The following MTRF1 variants were observed in gnomAD, a reference collection of about 807,000 sequenced individuals.
The protein encoded by MTRF1 is peptide chain release factor 1, mitochondrial.
A neutral mutation model predicts 62.9 loss-of-function variants in MTRF1; 51 were observed. The observed-to-expected ratio is 0.81, with a 90% CI of 0.65 to 1.02. The LOEUF is 1.02. Ranked by LOEUF, MTRF1 falls within the 50% of genes least tolerant of loss-of-function variation. MTRF1 has a pLI of 0.00. For synonymous variants in MTRF1, 158 were observed against 181.9 expected (o/e 0.87, Z 1.06); for missense variants, 446 against 530.0 (o/e 0.84, Z 1.56).
At chr13:41,265,190 A>C (rs2040805786), upstream of MTRF1, among the ~76,000 whole-genome samples, 1 of 152,168 alleles carries the variant, frequency 6.6e-6, no homozygotes, top group Non-Finnish European at 1.5e-5. Context: ...TGGGAGGCCG[A>C]GCCAGGTGGA....
upstream of MTRF1, among the ~76,000 whole-genome samples, chr13:41,264,214 T>G (rs1227107376): frequency 6.6e-6 from 1 of 152,164 alleles, no homozygotes; most frequent in Non-Finnish European, 1.5e-5. Context: ...ACAAATAAAT[T>G]TATATTTTAA....
At chr13:41,263,956 C>T (rs532808073), upstream of MTRF1, among the ~76,000 whole-genome samples, 9 of 152,304 alleles carry the variant, frequency 5.9e-5, no homozygotes, top group East Asian at 1.5e-3. Context: ...TTGGTTTTCA[C>T]CGTTAACTGC....
At chr13:41,242,129 T>G (rs2037588409) in intron 5 of MTRF1, among the ~76,000 whole-genome samples, 1 of 152,088 alleles carries the variant, frequency 6.6e-6, no homozygotes, top group Non-Finnish European at 1.5e-5. Flanking sequence ...ATACCAACGT[T>G]TTTTTTTTGT....
the MTRF1 span, among the ~76,000 whole-genome samples, chr13:41,290,990 G>A: frequency 6.6e-6 from 1 of 151,462 alleles, no homozygotes; most frequent in East Asian, 2.0e-4. Context: ...CAGCTACTCG[G>A]GAGGCTGAGG....
the MTRF1 span, among the ~76,000 whole-genome samples, chr13:41,272,790 C>A: frequency 1.3e-5 from 2 of 152,034 alleles, no homozygotes; most frequent in Non-Finnish European, 2.9e-5. Context: ...TACCTTCCAT[C>A]GTCATGGAAG....
upstream of MTRF1, among the ~76,000 whole-genome samples, chr13:41,264,675 A>G (rs1037071042): frequency 1.3e-5 from 2 of 152,244 alleles, no homozygotes; most frequent in African/African-American, 2.4e-5. Context: ...GTTTTACCCT[A>G]TTAATTCATT....
the MTRF1 span, among the ~76,000 whole-genome samples, chr13:41,281,006 ATAG>A: frequency 5.3e-5 from 8 of 152,208 alleles, no homozygotes; most frequent in African/African-American, 1.9e-4. Context: ...TACAATCATT[ATAG>A]CAGTATACAC....
the MTRF1 span, among the ~76,000 whole-genome samples, chr13:41,295,823 C>T: frequency 1.3e-5 from 2 of 152,092 alleles, no homozygotes; most frequent in South Asian, 2.1e-4. Flanking sequence ...GCTTTGCTGC[C>T]CAGGCTGGAG....
intron 8 of MTRF1, among the ~76,000 whole-genome samples, chr13:41,226,079 A>G (rs2034377460): frequency 6.6e-6 from 1 of 152,190 alleles, no homozygotes; most frequent in East Asian, 1.9e-4. Context: ...GAGTTATAGT[A>G]CAAGCATAGG....
the MTRF1 span, among the ~76,000 whole-genome samples, chr13:41,270,350 G>A: frequency 1.3e-5 from 2 of 151,910 alleles, no homozygotes; most frequent in South Asian, 2.1e-4. Context: ...TAAAATATTT[G>A]ATTCACATAT....
upstream of MTRF1, among the ~76,000 whole-genome samples, chr13:41,265,131 A>C (rs2040801867): frequency 6.6e-6 from 1 of 152,228 alleles, no homozygotes; most frequent in African/African-American, 2.4e-5. Context: ...CTCCTTAAAA[A>C]ATTAGTCTTA....
Position 41,240,289 on chromosome 13 carries a change from G to A in MTRF1, c.842C>T (p.Ser281Leu), listed in dbSNP as rs773512665. 4.3e-6 allele frequency: 7 copies of A among 1,610,444 alleles called. No homozygotes were observed. The African/African-American group carries it at 5.4e-5, about 12-fold the overall frequency. Residue 281 changes from serine (S) to leucine (L), a missense_variant, in exon 6 of 10, where the codon TCG (serine) becomes TTG (leucine). By Grantham distance (145) the Ser-to-Leu change is moderately radical. Coordinates refer to ENST00000379480, the MANE Select transcript of MTRF1 (RefSeq NM_004294.4). ...ATCTGGCTGAGGAAGGACAATAACCGACATCGTTCCTGTGTGAATGCGCTG... is the reference window on the plus strand; with the variant it reads ...ATCTGGCTGAGGAAGGACAATAACCAACATCGTTCCTGTGTGAATGCGCTG... ...RMQRIHTGTMSVIVLPQPDEV... is the reference protein window; with the variant it reads ...RMQRIHTGTMLVIVLPQPDEV...
chr13:41,260,577 C>T lies in MTRF1; in HGVS notation c.331G>A (p.Ala111Thr), dbSNP rs2040337601. 6.2e-7 allele frequency: 1 copy of T among 1,614,166 alleles called. No individual in the cohort carries two copies. Among genetic ancestry groups the T allele is most frequent in the Non-Finnish European group, 8.5e-7 (1 of 1,180,024 alleles). The stretch of plus-strand genomic sequence containing the variant: ...ATGGCTGCAAGAGGTGCCAACTCAG[C>T]ATGCCTTCTGTTCAAGGACCTTCGG... Reference protein sequence around the residue: ...ENRRSLNRRHAELAPLAAIYQ... With the variant: ...ENRRSLNRRHTELAPLAAIYQ... The change falls in exon 2 of 10, where the codon GCT becomes ACT. Residue 111 changes from alanine (A) to threonine (T), a missense_variant. Ala to Thr is a moderately conservative substitution (Grantham distance 58). Coordinates refer to ENST00000379480, the MANE Select transcript of MTRF1 (RefSeq NM_004294.4).
At chr13:41,290,309 C>T in the MTRF1 span, among the ~76,000 whole-genome samples, 14 of 151,642 alleles carry the variant, frequency 9.2e-5, no homozygotes, top group Non-Finnish European at 1.8e-4. Context: ...CCATGTTAGC[C>T]AGGATGGTCT....
chr13:41,267,675 C>A (rs1019518312), upstream of MTRF1, among the ~76,000 whole-genome samples: 1 of 152,060 alleles, frequency 6.6e-6, no homozygotes, highest in Non-Finnish European at 1.5e-5. Context: ...TTGAGACCAG[C>A]CTAGGCAACA....
At chr13:41,258,735 C>T (rs879471719) in intron 2 of MTRF1, among the ~76,000 whole-genome samples, 51 of 151,984 alleles carry the variant, frequency 3.4e-4, no homozygotes, top group African/African-American at 1.1e-3. Flanking sequence ...TTCTTAGATA[C>T]GACTCCCAAA....
chr13:41,237,036 T>C (rs2036715013), intron 6 of MTRF1, among the ~76,000 whole-genome samples: 1 of 151,914 alleles, frequency 6.6e-6, no homozygotes, highest in South Asian at 2.1e-4. Flanking sequence ...CTGAGCAACA[T>C]GGCGAAACCT....
chr13:41,284,671 GGCTGGAGTGCAGTGGCGTGATATCGAC>G, the MTRF1 span, among the ~76,000 whole-genome samples: 165 of 152,076 alleles, frequency 1.1e-3, 1 homozygote, highest in South Asian at 3.5e-3. Flanking sequence ...TCTATCACCA[GGCTGGAGTGCAGTGGCGTGATATCGAC>G]GCTGGAGTGC....
chr13:41,256,537 G>A (rs1008145154), intron 2 of MTRF1, among the ~76,000 whole-genome samples: 28 of 152,118 alleles, frequency 1.8e-4, no homozygotes, highest in African/African-American at 6.5e-4. Flanking sequence ...ATGTTGGCAG[G>A]CTGGTCTTCA....
Sources: allele counts gnomAD v4.1 joint callset (sites outside exome capture counted in the v4.1 genomes callset), GRCh38; gene constraint gnomAD v4.1.1; transcripts MANE v1.5; gene names NCBI Gene and HGNC (gene_info 2026-07-23, HGNC 2026-07-21).